The following LYPD6B variants were observed in gnomAD, a reference collection of about 807,000 sequenced individuals.
LYPD6B encodes the protein ly6/PLAUR domain-containing protein 6B.
A neutral mutation model predicts 22.8 loss-of-function variants in LYPD6B; 17 were observed. The observed-to-expected ratio is 0.75, with a 90% CI of 0.51 to 1.12. LYPD6B has a LOEUF of 1.12. Ranked by LOEUF, LYPD6B falls within the 50% of genes most tolerant of loss-of-function variation. The pLI is 0.00. For synonymous variants in LYPD6B, 106 were observed against 91.6 expected (o/e 1.16, Z -0.90); for missense variants, 221 against 258.3 (o/e 0.86, Z 0.99).
At chr2:149,099,635 A>G (rs1441276039) in intron 1 of LYPD6B, among the ~76,000 whole-genome samples, 2 of 152,188 alleles carry the variant, frequency 1.3e-5, no homozygotes, top group African/African-American at 4.8e-5. Flanking sequence ...TTCGGCCTCC[A>G]AGAGTTCTCA....
At chr2:149,214,419 T>C (rs1304341748) in intron 6 of LYPD6B, 127 bp from the exon 7 acceptor site, 5 of 947,712 alleles carry the variant, frequency 5.3e-6, no homozygotes, top group East Asian at 2.5e-5. Flanking sequence ...TGATGCAAAA[T>C]TGGATAACCA....
chr2:149,058,835 G>A (rs528766524), intron 1 of LYPD6B, among the ~76,000 whole-genome samples: 3 of 152,214 alleles, frequency 2.0e-5, no homozygotes, highest in Admixed American at 6.5e-5. Flanking sequence ...GGCCAGGCTG[G>A]TCTTGAACTC....
chr2:149,118,821 C>T (rs1337049627), intron 1 of LYPD6B, among the ~76,000 whole-genome samples: 1 of 152,154 alleles, frequency 6.6e-6, no homozygotes, highest in Non-Finnish European at 1.5e-5. Flanking sequence ...CTGTCTGTTT[C>T]TAAAGGCTGT....
intron 3 of LYPD6B, among the ~76,000 whole-genome samples, chr2:149,178,363 A>G (rs1691470404): frequency 6.6e-6 from 1 of 152,260 alleles, no homozygotes; most frequent in Non-Finnish European, 1.5e-5. Context: ...ACAACATCTT[A>G]TCACCACTGT....
intron 1 of LYPD6B, among the ~76,000 whole-genome samples, chr2:149,056,534 A>T (rs966482255): frequency 6.6e-6 from 1 of 152,048 alleles, no homozygotes; most frequent in Non-Finnish European, 1.5e-5. Flanking sequence ...CTTTTTTTCC[A>T]GTAAGTCCAC....
At chr2:149,179,228 AATG>A (rs1691538237) in intron 3 of LYPD6B, among the ~76,000 whole-genome samples, 1 of 152,334 alleles carries the variant, frequency 6.6e-6, no homozygotes, top group East Asian at 1.9e-4. Flanking sequence ...CTCCTGGCAT[AATG>A]ATGAGTCTTC....
rs371183502 is a variant in LYPD6B at position 149,084,597 on chromosome 2, TG to T, written c.-67+45797del. Among the ~76,000 whole-genome samples the T allele has an allele frequency of 7.6e-4, 116 of 152,280 alleles. 1 individual carries two copies. Among genetic ancestry groups the T allele is most frequent in the African/African-American group, 2.6e-3 (108 of 41,550 alleles). On this transcript the variant is annotated intron_variant, in intron 1 of 6. Coordinates refer to ENST00000409642, the MANE Select transcript of LYPD6B (RefSeq NM_177964.5). Reference sequence around the variant, plus strand: ...TGGAGAATGCATTAAGAAACCCAGATGTAGATGCCAGGTAGGCTTGTTGCTA... The same window carrying T: ...TGGAGAATGCATTAAGAAACCCAGATTAGATGCCAGGTAGGCTTGTTGCTA...
At chr2:149,115,794 C>T (rs1003292248) in intron 1 of LYPD6B, among the ~76,000 whole-genome samples, 11 of 152,252 alleles carry the variant, frequency 7.2e-5, no homozygotes, top group African/African-American at 2.2e-4. Context: ...TCCAAGGTTT[C>T]GATTACCTAC....
chr2:149,183,696 A>G (rs866231252), intron 3 of LYPD6B, among the ~76,000 whole-genome samples: 3 of 152,180 alleles, frequency 2.0e-5, no homozygotes, highest in South Asian at 2.1e-4. Context: ...GACTGCCTTC[A>G]TCACTATATT....
chr2:149,180,455 G>A (rs761822107), intron 3 of LYPD6B, among the ~76,000 whole-genome samples: 6 of 152,182 alleles, frequency 3.9e-5, no homozygotes, highest in Non-Finnish European at 8.8e-5. Context: ...GTTTTTGTTG[G>A]TGGTGGTGGA....
At chr2:149,170,542 G>A (rs1690747295) in intron 3 of LYPD6B, among the ~76,000 whole-genome samples, 1 of 152,128 alleles carries the variant, frequency 6.6e-6, no homozygotes, top group Non-Finnish European at 1.5e-5. Flanking sequence ...AATCAATATT[G>A]ATAGGCATGT....
At chr2:149,170,931 A>G (rs1214600056) in intron 3 of LYPD6B, among the ~76,000 whole-genome samples, 1 of 152,236 alleles carries the variant, frequency 6.6e-6, no homozygotes, top group African/African-American at 2.4e-5. Flanking sequence ...TTGGGGCAGG[A>G]ACTTTATCTT....
At chr2:149,062,906 A>G (rs1684156726) in intron 1 of LYPD6B, among the ~76,000 whole-genome samples, 1 of 142,430 alleles carries the variant, frequency 7.0e-6, no homozygotes, top group Admixed American at 7.2e-5. Context: ...TTGTGGCTGA[A>G]GTCCTGAAAT....
chr2:149,040,318 C>A (rs1040369803), intron 1 of LYPD6B, among the ~76,000 whole-genome samples: 52 of 151,796 alleles, frequency 3.4e-4, no homozygotes, highest in Admixed American at 3.4e-3. Context: ...CTCCACCTCC[C>A]AGGTCCAAGC....
At chr2:149,082,683 T>G (rs1411657211) in intron 1 of LYPD6B, among the ~76,000 whole-genome samples, 2 of 152,204 alleles carry the variant, frequency 1.3e-5, no homozygotes, top group Non-Finnish European at 1.5e-5. Flanking sequence ...TGTGAGGCAC[T>G]TAGAATGGTG....
At chr2:149,208,533 T>C (rs1159593457) in intron 5 of LYPD6B, 121 bp downstream of exon 5, 11 of 733,980 alleles carry the variant, frequency 1.5e-5, no homozygotes, top group Non-Finnish European at 2.0e-5. Flanking sequence ...CATCAGACTA[T>C]ATTGAGAGTT....
chr2:149,128,760 A>T (rs1386682553), intron 1 of LYPD6B, among the ~76,000 whole-genome samples: 1 of 152,228 alleles, frequency 6.6e-6, no homozygotes, highest in Non-Finnish European at 1.5e-5. Flanking sequence ...AAATAGCAAC[A>T]GGATGCATTG....
intron 4 of LYPD6B, among the ~76,000 whole-genome samples, chr2:149,205,851 C>G (rs763067469): frequency 6.6e-6 from 1 of 152,092 alleles, no homozygotes; most frequent in Non-Finnish European, 1.5e-5. Context: ...TACTACCGCG[C>G]GTAATCACCA....
chr2:149,063,255 C>T (rs188462509), intron 1 of LYPD6B, among the ~76,000 whole-genome samples: 4 of 152,042 alleles, frequency 2.6e-5, no homozygotes, highest in Admixed American at 6.5e-5. Flanking sequence ...TTATTTTTTT[C>T]GGGCCAAGGG....
Sources: allele counts gnomAD v4.1 joint callset (sites outside exome capture counted in the v4.1 genomes callset), GRCh38; gene constraint gnomAD v4.1.1; transcripts MANE v1.5; gene names NCBI Gene and HGNC (gene_info 2026-07-23, HGNC 2026-07-21).